CACNB2: variants seen among roughly 807,000 people sequenced by gnomAD.
The protein encoded by CACNB2 is voltage-dependent L-type calcium channel subunit beta-2.
A neutral mutation model predicts 73.3 loss-of-function variants in CACNB2; 42 were observed. The observed-to-expected ratio is 0.57, with a 90% CI of 0.45 to 0.74. The LOEUF is 0.74. Among genes scored for constraint, CACNB2 ranks in the 30% least tolerant of loss-of-function variants. The pLI is 0.00. For synonymous variants in CACNB2, 348 were observed against 310.3 expected (o/e 1.12, Z -1.28); for missense variants, 940 against 853.0 (o/e 1.10, Z -1.27).
At chr10:18,387,760 CTTT>C (rs768014226) in intron 2 of CACNB2, among the ~76,000 whole-genome samples, 2 of 144,946 alleles carry the variant, frequency 1.4e-5, no homozygotes, top group African/African-American at 5.1e-5. Flanking sequence ...TTCTTTCTCT[CTTT>C]TTTTTTTTTT....
intron 3 of CACNB2, among the ~76,000 whole-genome samples, chr10:18,431,200 C>G (rs2132829494): frequency 6.6e-6 from 1 of 151,618 alleles, no homozygotes; most frequent in East Asian, 2.0e-4. Context: ...ACAGCCTCGT[C>G]TCAAACTCCT....
intron 2 of CACNB2, among the ~76,000 whole-genome samples, chr10:18,337,249 C>A (rs561364640): frequency 6.6e-6 from 1 of 152,224 alleles, no homozygotes; most frequent in South Asian, 2.1e-4. Context: ...CCCATCTCAG[C>A]CTCCTGAGTA....
chr10:18,238,891 A>G (rs926770301), intron 2 of CACNB2, among the ~76,000 whole-genome samples: 2 of 152,238 alleles, frequency 1.3e-5, no homozygotes, highest in Non-Finnish European at 2.9e-5. Flanking sequence ...AAATGAAAAA[A>G]GACCTGATTC....
chr10:18,259,571 A>ACC (rs1588871716), intron 2 of CACNB2, among the ~76,000 whole-genome samples: 2 of 110,444 alleles, frequency 1.8e-5, no homozygotes, highest in East Asian at 4.8e-4. Flanking sequence ...AAACAAAAAA[A>ACC]AAAAGTAAAA....
intron 2 of CACNB2, among the ~76,000 whole-genome samples, chr10:18,204,711 T>C (rs1422709313): frequency 2.0e-5 from 3 of 152,212 alleles, no homozygotes; most frequent in East Asian, 3.8e-4. Context: ...GCAAGTACAC[T>C]ACCTGTTTTG....
chr10:18,232,318 G>C (rs1252830146), intron 2 of CACNB2, among the ~76,000 whole-genome samples: 1 of 152,114 alleles, frequency 6.6e-6, no homozygotes, highest in Non-Finnish European at 1.5e-5. Flanking sequence ...TTGCAGAAGA[G>C]TGAACTTAGG....
At chr10:18,521,728 C>T (rs912071957) in intron 9 of CACNB2, among the ~76,000 whole-genome samples, 7 of 152,214 alleles carry the variant, frequency 4.6e-5, no homozygotes, top group Non-Finnish European at 1.0e-4. Flanking sequence ...TGACTAGAGT[C>T]CAAAATGGAA....
chr10:18,165,236 T>C (rs1017560054), intron 2 of CACNB2, among the ~76,000 whole-genome samples: 1 of 152,146 alleles, frequency 6.6e-6, no homozygotes, highest in African/African-American at 2.4e-5. Flanking sequence ...TGGGAAGGAA[T>C]GCGTCATCCG....
intron 2 of CACNB2, 87 bp from the exon 3 acceptor site, chr10:18,401,837 G>C: frequency 7.6e-7 from 1 of 1,307,872 alleles, no homozygotes; most frequent in Admixed American, 1.7e-5. Flanking sequence ...AGAACAATCC[G>C]GGAAGCTAAC....
At chr10:18,377,877 C>T (rs746530462) in intron 2 of CACNB2, among the ~76,000 whole-genome samples, 6 of 152,208 alleles carry the variant, frequency 3.9e-5, no homozygotes, top group Non-Finnish European at 8.8e-5. Context: ...TTAACCTTCG[C>T]TCCCTTTATT....
At chr10:18,213,567 A>G (rs1349021930) in intron 2 of CACNB2, among the ~76,000 whole-genome samples, 1 of 152,174 alleles carries the variant, frequency 6.6e-6, no homozygotes, top group Non-Finnish European at 1.5e-5. Context: ...ACTTCTTTCC[A>G]TAATGTGAGC....
chr10:18,479,340 G>C (rs937583873), intron 3 of CACNB2, among the ~76,000 whole-genome samples: 2 of 152,066 alleles, frequency 1.3e-5, no homozygotes, highest in East Asian at 3.9e-4. Flanking sequence ...TCTCTTAACA[G>C]ATCTGTGCTG....
intron 3 of CACNB2, among the ~76,000 whole-genome samples, chr10:18,496,404 A>G (rs2049817489): frequency 6.6e-6 from 1 of 152,158 alleles, no homozygotes; most frequent in Admixed American, 6.5e-5. Context: ...TGGAAATGAA[A>G]ATGGGTTCTC....
intron 2 of CACNB2, among the ~76,000 whole-genome samples, chr10:18,257,642 G>C (rs1478275700): frequency 6.6e-6 from 1 of 152,164 alleles, no homozygotes; most frequent in African/African-American, 2.4e-5. Flanking sequence ...ATTCTGCAAG[G>C]CCAGCCCAAG....
chr10:18,272,283 A>G (rs1187766729), intron 2 of CACNB2, among the ~76,000 whole-genome samples: 2 of 152,178 alleles, frequency 1.3e-5, no homozygotes, highest in African/African-American at 4.8e-5. Context: ...GCTCGTAGTT[A>G]AGGGAGACAG....
intron 2 of CACNB2, among the ~76,000 whole-genome samples, chr10:18,165,044 G>A (rs1227857831): frequency 1.3e-5 from 2 of 152,076 alleles, no homozygotes; most frequent in Non-Finnish European, 2.9e-5. Flanking sequence ...AAGTATTGAT[G>A]TACTCATGAT....
chr10:18,150,855 C>CTGTTT, intron 1 of CACNB2, 28 bp from the exon 2 acceptor site: 1 of 483,392 alleles, frequency 2.1e-6, no homozygotes, highest in Admixed American at 4.3e-5. Flanking sequence ...TCTTATTTGT[C>CTGTTT]TTTTTTTTTT....
At chr10:18,220,224 TATATATATAGAGAG>T (rs1469506309) in intron 2 of CACNB2, among the ~76,000 whole-genome samples, 9 of 48,026 alleles carry the variant, frequency 1.9e-4, no homozygotes, top group African/African-American at 1.1e-3. Flanking sequence ...TATATATATA[TATATATATAGAGAG>T]AGAGAGAGAG....
At position 18,401,081 on chromosome 10, in the gene CACNB2, TGAA is replaced by T. The variant is rs786205265; in HGVS notation, c.214-839_214-837del. The T allele has an allele frequency of 1.5e-5, 25 of 1,614,202 alleles. No individual in the cohort carries two copies. Among genetic ancestry groups the T allele is most frequent in the Non-Finnish European group, 2.0e-5 (24 of 1,180,034 alleles). On this transcript the variant is annotated intron_variant, in intron 2 of 13. Coordinates refer to ENST00000324631, the MANE Select transcript of CACNB2 (RefSeq NM_201596.3). ...CTGAAAAGAGCCAAGGGAGGAAGGC[TGAA>T]GAATTCTGATATCTGTGTAAGCGCA...
Sources: gnomAD v4.1 joint callset for allele counts (sites outside exome capture counted in the v4.1 genomes callset) on GRCh38, gnomAD v4.1.1 for gene constraint, MANE v1.5 for transcripts, NCBI Gene and HGNC (gene_info 2026-07-23, HGNC 2026-07-21) for gene names.